Variants in PCDH11X observed in about 807,000 individuals in gnomAD.
PCDH11X encodes protocadherin-11 X-linked.
In PCDH11X, 18 loss-of-function variants were observed where a neutral mutation model predicts 53.3. That is an observed-to-expected ratio of 0.34 (90% CI 0.23 to 0.50). PCDH11X has a LOEUF of 0.50. Among genes scored for constraint, PCDH11X ranks in the 20% least tolerant of loss-of-function variants. The pLI is 0.98. For synonymous variants in PCDH11X, 279 were observed against 393.3 expected (o/e 0.71, Z 3.44); for missense variants, 570 against 1,032.4 (o/e 0.55, Z 6.14).
rs1318296611 is a variant in PCDH11X at position 92,618,634 on chromosome X, C to A, written c.3738C>A (p.Ser1246Arg). The change falls in exon 11 of 11, where the codon AGC (serine) becomes AGA (arginine). Residue 1246 changes from serine to arginine, a missense_variant. Ser to Arg is a moderately radical substitution (Grantham distance 110). Transcript: ENST00000682573. The stretch of plus-strand genomic sequence containing the variant: ...CACAGGCCTCAGCCCTCTGCTACAG[C>A]CCTCCTTTAGCACAGGCTGCTGCAA... ...PSAQASALCY[S>R]PPLAQAAAIS... 1 of 1,212,116 alleles carries A rather than the reference C, an allele frequency of 8.3e-7. No individual in the cohort carries two copies.
Position 92,620,044 on chromosome X carries a change from A to G in PCDH11X, c.*1104A>G, listed in dbSNP as rs897221759. ...AAGGGATTTTTGTTATTCTAGCTCA[A>G]CTTACTGAAGAAAACCACTAATAAC... On this transcript the variant is annotated 3_prime_UTR_variant, in exon 11 of 11. Transcript: ENST00000682573. 2 of 110,435 alleles carry G rather than the reference A, an allele frequency of 1.8e-5. No individual in the cohort carries two copies. Among genetic ancestry groups the G allele is most frequent in the African/African-American group, 3.3e-5 (1 of 30,374 alleles). The allele number at this position is 110,435 out of a possible 1,213,427, so 9.1% of individuals were successfully genotyped here.
chrX:92,563,047 G>GTTTTTTTTTTTTT (rs61411325), intron 10 of PCDH11X, among the ~76,000 whole-genome samples: 1 of 43,859 alleles, frequency 2.3e-5, no homozygotes, highest in Non-Finnish European at 3.8e-5. Flanking sequence ...CCTTGGTACC[G>GTTTTTTTTTTTTT]TTTTTTTTTT....
chrX:92,270,222 C>T (rs959734630), intron 8 of PCDH11X, among the ~76,000 whole-genome samples: 3 of 108,686 alleles, frequency 2.8e-5, no homozygotes, highest in Non-Finnish European at 3.8e-5. Context: ...GATTCTCTTG[C>T]GTCAGGCTCC....
At chrX:92,112,293 G>A in intron 6 of PCDH11X, among the ~76,000 whole-genome samples, 1 of 105,144 alleles carries the variant, frequency 9.5e-6, no homozygotes, top group Middle Eastern at 4.9e-3. Flanking sequence ...TTTGAGAGAG[G>A]CTTGGCAAAC....
intron 6 of PCDH11X, among the ~76,000 whole-genome samples, chrX:92,104,657 G>A (rs2064336522): frequency 9.0e-6 from 1 of 110,645 alleles, no homozygotes; most frequent in South Asian, 3.8e-4. Context: ...TAAGAATACA[G>A]GCTAAGGGAG....
chrX:92,386,271 C>G (rs2071009718), intron 8 of PCDH11X, among the ~76,000 whole-genome samples: 1 of 111,178 alleles, frequency 9.0e-6, no homozygotes, highest in East Asian at 2.8e-4. Context: ...TTCATAGCTC[C>G]ATCTGAAGAA....
chrX:92,228,779 A>G (rs1208425881), intron 7 of PCDH11X, among the ~76,000 whole-genome samples: 1 of 111,947 alleles, frequency 8.9e-6, no homozygotes, highest in Non-Finnish European at 1.9e-5. Flanking sequence ...GAAAGAAAGG[A>G]CATTATCTAG....
At chrX:91,965,499 C>A (rs377228644) in intron 6 of PCDH11X, among the ~76,000 whole-genome samples, 2 of 108,637 alleles carry the variant, frequency 1.8e-5, no homozygotes, top group East Asian at 5.8e-4. Context: ...GCTTTGTTGA[C>A]AGCAGACATT....
chrX:92,426,173 AT>A (rs1426938220), intron 9 of PCDH11X, among the ~76,000 whole-genome samples: 1 of 98,805 alleles, frequency 1.0e-5, no homozygotes, highest in Non-Finnish European at 2.0e-5. Context: ...CAGCCACTGT[AT>A]TTTTTTGTTA....
At chrX:92,420,592 T>A in intron 9 of PCDH11X, 1 of 307,239 alleles carries the variant, frequency 3.3e-6, no homozygotes, top group Non-Finnish European at 6.2e-6. Flanking sequence ...TAGCAGTTAG[T>A]TGCTTTCTTT....
chrX:92,318,741 G>A (rs1191812430), intron 8 of PCDH11X, among the ~76,000 whole-genome samples: 1 of 110,972 alleles, frequency 9.0e-6, no homozygotes, highest in Non-Finnish European at 1.9e-5. Context: ...AGGAAAATTG[G>A]CTTGTCTAGA....
At chrX:92,110,702 C>A (rs2064484291) in intron 6 of PCDH11X, among the ~76,000 whole-genome samples, 1 of 111,044 alleles carries the variant, frequency 9.0e-6, no homozygotes, top group Non-Finnish European at 1.9e-5. Flanking sequence ...TTTTTAACAG[C>A]TGGCCAGGAA....
intron 1 of PCDH11X, among the ~76,000 whole-genome samples, chrX:91,791,573 A>G (rs2524828): frequency 9.1e-6 from 1 of 110,014 alleles, no homozygotes; most frequent in Non-Finnish European, 1.9e-5. Flanking sequence ...AAAACTGGAC[A>G]TGAGATTTGG....
chrX:92,609,190 G>T (rs1382271297), intron 10 of PCDH11X, among the ~76,000 whole-genome samples: 1 of 111,771 alleles, frequency 8.9e-6, no homozygotes, highest in African/African-American at 3.2e-5. Flanking sequence ...TATTAATAAT[G>T]CTGTTTAACT....
At chrX:92,346,063 T>G (rs2069888187) in intron 8 of PCDH11X, among the ~76,000 whole-genome samples, 1 of 110,859 alleles carries the variant, frequency 9.0e-6, no homozygotes, top group African/African-American at 3.3e-5. Flanking sequence ...TTTCTTTACT[T>G]AAGTGAAGCA....
chrX:92,351,909 G>T (rs767527938), intron 8 of PCDH11X, among the ~76,000 whole-genome samples: 1 of 111,718 alleles, frequency 9.0e-6, no homozygotes, highest in East Asian at 2.8e-4. Flanking sequence ...GGATCATATA[G>T]ATTATAAAGA....
At position 92,409,852 on chromosome X, in the gene PCDH11X, G is replaced by T. The variant is rs575407329; in HGVS notation, c.3343+21919G>T. ...TTCAATTAGTGGACTCTTAACATTT[G>T]TATTTACTAAAAAATCAATGCCAAG... On this transcript the variant is annotated intron_variant, in intron 9 of 10. Coordinates refer to ENST00000682573, the MANE Select transcript of PCDH11X (RefSeq NM_032968.5). Among the ~76,000 whole-genome samples the T allele has an allele frequency of 1.2e-4, 13 of 111,702 alleles. No homozygotes were observed. In the South Asian group the frequency reaches 4.8e-3, roughly 41 times the overall value.
chrX:92,124,649 C>A (rs2064830213), intron 6 of PCDH11X, among the ~76,000 whole-genome samples: 1 of 109,254 alleles, frequency 9.2e-6, no homozygotes, highest in African/African-American at 3.4e-5. Flanking sequence ...TAGTCCCAGG[C>A]CATTTGGGAG....
At chrX:92,144,865 A>G (rs1421751059) in intron 6 of PCDH11X, among the ~76,000 whole-genome samples, 3 of 111,391 alleles carry the variant, frequency 2.7e-5, no homozygotes, top group Non-Finnish European at 5.6e-5. Flanking sequence ...TAATCATCTG[A>G]CCTTTGAACT....
Sources: gnomAD v4.1 joint callset for allele counts (sites outside exome capture counted in the v4.1 genomes callset) on GRCh38, gnomAD v4.1.1 for gene constraint, MANE v1.5 for transcripts, NCBI Gene and HGNC (gene_info 2026-07-23, HGNC 2026-07-21) for gene names.